The following ARID4B variants were observed in gnomAD, a reference collection of about 807,000 sequenced individuals.
ARID4B encodes the protein AT-rich interaction domain 4B, also known as AT-rich interactive domain-containing protein 4B.
Under a neutral mutation model 147.5 loss-of-function variants are expected in ARID4B, and 26 were observed. The observed-to-expected ratio is 0.18, with a 90% CI of 0.13 to 0.24. The LOEUF (loss-of-function observed/expected upper bound fraction) is 0.24. ARID4B is among the 10% of genes least tolerant of loss of function. The pLI is 1.00. For synonymous variants in ARID4B, 512 were observed against 507.9 expected (o/e 1.01, Z -0.11); for missense variants, 1,179 against 1,511.5 (o/e 0.78, Z 3.65).
intron 16 of ARID4B, 75 bp downstream of exon 16, chr1:235,219,717 CA>C (rs1667316552): frequency 1.7e-6 from 2 of 1,185,366 alleles, no homozygotes; most frequent in African/African-American, 3.1e-5. Context: ...TAGATTCATA[CA>C]TAAACACATA....
chr1:235,260,809 AG>A (rs1177880159), intron 2 of ARID4B, 57 bp from the exon 3 acceptor site: 1 of 1,236,558 alleles, frequency 8.1e-7, no homozygotes, highest in African/African-American at 1.5e-5. Context: ...TCCCATAATC[AG>A]ACCTCAGAAT....
intron 19 of ARID4B, among the ~76,000 whole-genome samples, chr1:235,188,638 C>A (rs1268902912): frequency 6.6e-6 from 1 of 152,120 alleles, no homozygotes; most frequent in Admixed American, 6.6e-5. Flanking sequence ...TAAGAATCCT[C>A]CACCCCACTC....
chr1:235,188,133 T>C (rs1360672199), intron 19 of ARID4B, among the ~76,000 whole-genome samples: 1 of 152,084 alleles, frequency 6.6e-6, no homozygotes, highest in Non-Finnish European at 1.5e-5. Context: ...ATTGTATATG[T>C]GTTATATGTA....
rs376401657 is a variant in ARID4B, at chr1:235,295,276, A to G, written c.6+31638T>C. On this transcript the variant is annotated intron_variant, in intron 2 of 23. Transcript: ENST00000264183. ...TGTAATCCCACCACTTTGGGAGGCT[A>G]AGGCAGGTAGATCACTTGAGGTCCA... Among the ~76,000 whole-genome samples, 22 of 152,274 alleles carry G rather than the reference A, an allele frequency of 1.4e-4. No homozygotes were observed. The East Asian group carries it at 2.5e-3, about 17-fold the overall frequency.
At chr1:235,181,560 T>G (rs750284398) in intron 20 of ARID4B, 25 bp downstream of exon 20, 2 of 1,600,114 alleles carry the variant, frequency 1.2e-6, no homozygotes, top group Non-Finnish European at 1.7e-6. Context: ...CTAAAATAAG[T>G]CAACATACAC....
chr1:235,189,424 AT>A (rs57188369), intron 19 of ARID4B, among the ~76,000 whole-genome samples: 2,268 of 130,392 alleles, frequency 0.017, 134 homozygotes, highest in African/African-American at 0.06. Context: ...AAAAAAAAAA[AT>A]CATTGAAAAC....
chr1:235,302,224 G>A (rs1192246370), intron 2 of ARID4B, among the ~76,000 whole-genome samples: 2 of 140,548 alleles, frequency 1.4e-5, no homozygotes, highest in Non-Finnish European at 3.1e-5. Flanking sequence ...GAAGGGGAAG[G>A]GAAAGGGGAA....
intron 20 of ARID4B, among the ~76,000 whole-genome samples, chr1:235,179,525 C>CAAAAAAAAAAAAAAAAAAAAAAA (rs61143006): frequency 2.1e-5 from 1 of 48,368 alleles, no homozygotes; most frequent in Non-Finnish European, 4.5e-5. Context: ...CTCTATGTCT[C>CAAAAAAAAAAAAAAAAAAAAAAA]AAAAAAAAAA....
intron 2 of ARID4B, among the ~76,000 whole-genome samples, chr1:235,311,662 T>C (rs1274778289): frequency 1.3e-5 from 2 of 151,814 alleles, no homozygotes; most frequent in Admixed American, 6.6e-5. Flanking sequence ...TAGTCCCAGC[T>C]ACTTGGGAGG....
intron 8 of ARID4B, among the ~76,000 whole-genome samples, chr1:235,235,074 T>A (rs551048901): frequency 2.0e-4 from 30 of 152,160 alleles, no homozygotes; most frequent in African/African-American, 7.0e-4. Context: ...GTGGTGGCAA[T>A]GGCAAATTAA....
intron 2 of ARID4B, among the ~76,000 whole-genome samples, chr1:235,309,073 C>T (rs1447175623): frequency 2.0e-5 from 3 of 150,862 alleles, no homozygotes; most frequent in Non-Finnish European, 2.9e-5. Context: ...AAGTGAGGAG[C>T]GTCTCTGCCC....
intron 6 of ARID4B, among the ~76,000 whole-genome samples, chr1:235,250,004 G>T (rs1669543548): frequency 6.6e-6 from 1 of 151,776 alleles, no homozygotes. Flanking sequence ...CTACTCGGGA[G>T]GCTGAGGCAG....
intron 17 of ARID4B, among the ~76,000 whole-genome samples, chr1:235,212,245 CA>C (rs1425745139): frequency 2.0e-5 from 3 of 151,358 alleles, no homozygotes; most frequent in Non-Finnish European, 4.4e-5. Context: ...ACTCTATCTC[CA>C]AAAAAAGACA....
chr1:235,192,663 A>T (rs764892721), intron 19 of ARID4B, among the ~76,000 whole-genome samples: 1 of 152,250 alleles, frequency 6.6e-6, no homozygotes, highest in Non-Finnish European at 1.5e-5. Context: ...AAATGATAAG[A>T]TATTTTTATG....
intron 16 of ARID4B, among the ~76,000 whole-genome samples, chr1:235,216,326 C>T (rs1325250490): frequency 6.7e-6 from 1 of 148,524 alleles, no homozygotes; most frequent in Non-Finnish European, 1.5e-5. Flanking sequence ...CACACACACA[C>T]ACACACATAT....
intron 21 of ARID4B, chr1:235,176,758 T>G: frequency 2.3e-6 from 1 of 443,698 alleles, no homozygotes; most frequent in South Asian, 1.6e-5. Flanking sequence ...CGCCTGGAAG[T>G]CATATGGGCT....
intron 17 of ARID4B, among the ~76,000 whole-genome samples, chr1:235,209,571 T>G (rs1390177113): frequency 1.3e-4 from 20 of 149,914 alleles, no homozygotes; most frequent in Non-Finnish European, 3.0e-4. Flanking sequence ...TTGTTTTGTT[T>G]TTTTTTTTTT....
At chr1:235,264,052 C>G (rs1355754440) in intron 2 of ARID4B, among the ~76,000 whole-genome samples, 1 of 152,034 alleles carries the variant, frequency 6.6e-6, no homozygotes, top group Non-Finnish European at 1.5e-5. Context: ...AAAACTGAAA[C>G]ACATCATCAG....
In ARID4B at chr1:235,231,195, TA is replaced by T. The variant is rs11321831; in HGVS notation, c.666-7del. ...CTTTTCTTGGAACTGAAGTACTATATATTTTTTTTAATTATAAGAGAAGAAA... is the reference window on the plus strand; with the variant it reads ...CTTTTCTTGGAACTGAAGTACTATATTTTTTTTTAATTATAAGAGAAGAAA... On this transcript the variant is annotated splice_polypyrimidine_tract_variant and splice_region_variant and intron_variant, in intron 9 of 23. Coordinates refer to ENST00000264183, the MANE Select transcript of ARID4B (RefSeq NM_016374.6). 166,237 of 1,503,088 alleles carry T rather than the reference TA, an allele frequency of 0.11. 8,910 individuals carry two copies. The highest frequency in any genetic ancestry group is 0.19 in the African/African-American group (13,616 of 70,006). 93.1% of individuals were successfully genotyped at this position (1,503,088 alleles called of 1,614,324 possible).
Sources: allele counts gnomAD v4.1 joint callset (sites outside exome capture counted in the v4.1 genomes callset), GRCh38; gene constraint gnomAD v4.1.1; transcripts MANE v1.5; gene names NCBI Gene and HGNC (gene_info 2026-07-23, HGNC 2026-07-21).